Variants in ASTN2 observed in about 807,000 individuals in gnomAD.
ASTN2 encodes the protein astrotactin 2.
A neutral mutation model predicts 139.8 loss-of-function variants in ASTN2; 54 were observed. The observed-to-expected ratio is 0.39, with a 90% CI of 0.31 to 0.48. The LOEUF (loss-of-function observed/expected upper bound fraction) is 0.48. ASTN2 is among the 20% of genes least tolerant of loss of function. The pLI is 0.95. For missense variants in ASTN2, 1,565 were observed against 1,725.1 expected (o/e 0.91, Z 1.64); for synonymous variants, 756 against 719.5 (o/e 1.05, Z -0.81).
rs374547249 is a variant in ASTN2, at chr9:116,425,751, C to T, written c.*100G>A. 1.3e-5 allele frequency: 21 copies of T among 1,605,100 alleles called. No homozygotes were observed. In the African/African-American group the frequency reaches 2.3e-4, roughly 17 times the overall value. ...GGCAAGCTTCATCTGCTAGGCCCAT[C>T]CTCAGCTGTCCCCCAGCCCACCCAG... On this transcript the variant is annotated 3_prime_UTR_variant, in exon 23 of 23. Transcript: ENST00000313400.
chr9:116,467,267 T>C (rs1337849259), intron 20 of ASTN2, among the ~76,000 whole-genome samples: 1 of 104,228 alleles, frequency 9.6e-6, no homozygotes, highest in Admixed American at 1.0e-4. Context: ...AGAGAGAGAG[T>C]CCTTTTTTTT....
chr9:117,125,487 T>G (rs1829663343), intron 4 of ASTN2, among the ~76,000 whole-genome samples: 1 of 152,180 alleles, frequency 6.6e-6, no homozygotes, highest in Non-Finnish European at 1.5e-5. Flanking sequence ...CATGTGGCAT[T>G]AATGTGGAAA....
intron 20 of ASTN2, among the ~76,000 whole-genome samples, chr9:116,477,208 C>T (rs764395435): frequency 3.2e-4 from 49 of 152,124 alleles, no homozygotes; most frequent in Admixed American, 3.3e-4. Flanking sequence ...TGAAAAACAG[C>T]GTTATTTTTC....
At chr9:117,098,905 C>T (rs58592523) in intron 4 of ASTN2, among the ~76,000 whole-genome samples, 4 of 151,928 alleles carry the variant, frequency 2.6e-5, no homozygotes, top group Non-Finnish European at 4.4e-5. Context: ...TTCAGGAGTT[C>T]GAGACCAGCC....
intron 6 of ASTN2, among the ~76,000 whole-genome samples, chr9:117,032,404 A>T (rs569468097): frequency 6.6e-6 from 1 of 152,310 alleles, no homozygotes. Flanking sequence ...TCCACCCATA[A>T]GCATGTTCCA....
intron 5 of ASTN2, among the ~76,000 whole-genome samples, chr9:117,076,019 G>T (rs964436652): frequency 1.3e-5 from 2 of 152,192 alleles, no homozygotes; most frequent in Non-Finnish European, 1.5e-5. Flanking sequence ...CTGAAAGCCT[G>T]CTCCATAGGC....
rs1206035737 is a variant in ASTN2, at chr9:117,060,488, TGAAAGAAA to T, written c.1277-20531_1277-20524del. Among the ~76,000 whole-genome samples, 107 of 29,738 alleles carry T rather than the reference TGAAAGAAA, an allele frequency of 3.6e-3. 7 individuals carry two copies. Among genetic ancestry groups the T allele is most frequent in the Middle Eastern group, 0.019 (1 of 54 alleles). The allele number at this position is 29,738 out of a possible 152,430, so 19.5% of individuals were successfully genotyped here. A position where few individuals can be genotyped will look rare whatever the true frequency, so the allele number is the denominator to read the frequency against. ...AGGAAGGAAGGAAGGAAGGAAGGAA[TGAAAGAAA>T]GAAAGAAAGAAAGAAAGGAAGGAAG... On this transcript the variant is annotated intron_variant, in intron 5 of 22. Transcript: ENST00000313400.
intron 12 of ASTN2, among the ~76,000 whole-genome samples, chr9:116,816,226 A>T (rs1831324264): frequency 6.6e-6 from 1 of 152,228 alleles, no homozygotes. Flanking sequence ...ACACATACAC[A>T]CACACAAAAC....
chr9:117,093,472 G>A (rs3936128), intron 5 of ASTN2, among the ~76,000 whole-genome samples: 11,007 of 152,142 alleles, frequency 0.072, 539 homozygotes, highest in East Asian at 0.21. Flanking sequence ...TTGAACCCAC[G>A]TAACCCACCA....
intron 20 of ASTN2, among the ~76,000 whole-genome samples, chr9:116,454,041 G>T (rs927853046): frequency 6.6e-6 from 1 of 152,210 alleles, no homozygotes; most frequent in Non-Finnish European, 1.5e-5. Flanking sequence ...TGGGTCACTA[G>T]ATGTCTTCAC....
intron 17 of ASTN2, among the ~76,000 whole-genome samples, chr9:116,643,346 T>C (rs1857433740): frequency 1.3e-5 from 2 of 152,226 alleles, no homozygotes; most frequent in South Asian, 4.1e-4. Flanking sequence ...GACTAGAAAG[T>C]AAACACTTTG....
intron 9 of ASTN2, 32 bp from the exon 10 acceptor site, chr9:116,975,377 C>T (rs1836315627): frequency 6.4e-7 from 1 of 1,559,536 alleles, no homozygotes; most frequent in Admixed American, 1.9e-5. Flanking sequence ...TGGGGAACTC[C>T]CTGGGAAGCA....
intron 10 of ASTN2, among the ~76,000 whole-genome samples, chr9:116,905,583 C>T (rs1834133668): frequency 6.6e-6 from 1 of 152,178 alleles, no homozygotes; most frequent in South Asian, 2.1e-4. Flanking sequence ...GCCCGCCCCT[C>T]ACATTCACAG....
At position 116,775,987 on chromosome 9, in the gene ASTN2, T is replaced by C. The variant is rs116884562; in HGVS notation, c.2396+29645A>G. On this transcript the variant is annotated intron_variant, in intron 13 of 22. Transcript: ENST00000313400. ...TAAAGGAAAAGGCAGCATCTCTACGTATGATTGTGCAGCTTGTGCCCTGCA... is the reference window on the plus strand; with the variant it reads ...TAAAGGAAAAGGCAGCATCTCTACGCATGATTGTGCAGCTTGTGCCCTGCA... Among the ~76,000 whole-genome samples, 250 of 152,270 alleles carry C rather than the reference T, an allele frequency of 1.6e-3. 4 individuals are homozygous for C. The East Asian group carries it at 0.041, about 25-fold the overall frequency.
At chr9:116,461,896 C>A (rs1010391180) in intron 20 of ASTN2, among the ~76,000 whole-genome samples, 2 of 152,162 alleles carry the variant, frequency 1.3e-5, no homozygotes, top group Non-Finnish European at 2.9e-5. Context: ...CAGTGAGAAA[C>A]CCATTCTAGA....
rs1833350854 is a variant in ASTN2, at chr9:116,878,047, G to A, written c.1890-14314C>T. Among the ~76,000 whole-genome samples, 3 of 152,174 alleles carry A rather than the reference G, an allele frequency of 2.0e-5. No homozygotes were observed. The South Asian group carries it at 6.2e-4, about 32-fold the overall frequency. ...CAGTCTGAATGGCAGTTTTTAAAAAGTCAAGAAACAACAGATGCTGGTGAA... is the reference window on the plus strand; with the variant it reads ...CAGTCTGAATGGCAGTTTTTAAAAAATCAAGAAACAACAGATGCTGGTGAA... On this transcript the variant is annotated intron_variant, in intron 10 of 22. Transcript: ENST00000313400.
intron 13 of ASTN2, among the ~76,000 whole-genome samples, chr9:116,738,231 C>T (rs1381848674): frequency 2.7e-5 from 4 of 147,654 alleles, no homozygotes; most frequent in African/African-American, 1.0e-4. Context: ...CCAGGAGCAG[C>T]GGCTCATGCC....
Position 117,027,741 on chromosome 9 carries a change from A to T in ASTN2, c.1423+12078T>A, listed in dbSNP as rs527853212. Among the ~76,000 whole-genome samples, 4 of 152,314 alleles carry T rather than the reference A, an allele frequency of 2.6e-5. 1 individual carries two copies. In the South Asian group the frequency reaches 6.2e-4, roughly 24 times the overall value. The stretch of plus-strand genomic sequence containing the variant: ...TCCTGTCTATATGTCCTGATGGTTC[A>T]GATTATCATCTACCTTCCATAGTAG... On this transcript the variant is annotated intron_variant, in intron 6 of 22. Transcript: ENST00000313400.
At chr9:117,091,873 T>C (rs1481942212) in intron 5 of ASTN2, among the ~76,000 whole-genome samples, 1 of 152,140 alleles carries the variant, frequency 6.6e-6, no homozygotes, top group African/African-American at 2.4e-5. Flanking sequence ...TCTGGCTACA[T>C]GATTGAGAAT....
Sources: allele counts gnomAD v4.1 joint callset (sites outside exome capture counted in the v4.1 genomes callset), GRCh38; gene constraint gnomAD v4.1.1; transcripts MANE v1.5; gene names NCBI Gene and HGNC (gene_info 2026-07-23, HGNC 2026-07-21).